The following OR9Q1 variants were observed in gnomAD, a reference collection of about 807,000 sequenced individuals.
OR9Q1 encodes olfactory receptor 9Q1.
For synonymous variants in OR9Q1, 153 were observed against 148.6 expected (o/e 1.03, Z -0.22); for missense variants, 374 against 378.8 (o/e 0.99, Z 0.11).
At chr11:58,179,179 T>C (rs1198230897) in intron 2 of OR9Q1, among the ~76,000 whole-genome samples, 1 of 151,510 alleles carries the variant, frequency 6.6e-6, no homozygotes, top group African/African-American at 2.4e-5. Flanking sequence ...CTCACCACCA[T>C]GCATGGCTAA....
At chr11:58,177,610 A>C (rs1186004169) in intron 2 of OR9Q1, among the ~76,000 whole-genome samples, 2 of 152,222 alleles carry the variant, frequency 1.3e-5, no homozygotes, top group Admixed American at 1.3e-4. Flanking sequence ...AAGTAAGCAC[A>C]TTGTTAGGTT....
At chr11:58,068,351 G>C (rs111557277) in intron 2 of OR9Q1, among the ~76,000 whole-genome samples, 2 of 109,738 alleles carry the variant, frequency 1.8e-5, no homozygotes, top group African/African-American at 6.7e-5. Flanking sequence ...GTCTCAAAAA[G>C]AAAAAAAAAA....
chr11:58,052,892 CA>C (rs1359079804), intron 1 of OR9Q1, among the ~76,000 whole-genome samples: 3 of 151,940 alleles, frequency 2.0e-5, no homozygotes, highest in Non-Finnish European at 4.4e-5. Flanking sequence ...ATCAAAACCA[CA>C]ATGAGATACC....
At chr11:58,164,735 CA>C (rs1316538493) in intron 2 of OR9Q1, among the ~76,000 whole-genome samples, 3 of 152,068 alleles carry the variant, frequency 2.0e-5, no homozygotes, top group African/African-American at 7.2e-5. Context: ...AATTAATGAG[CA>C]AAAAATTCTT....
intron 1 of OR9Q1, among the ~76,000 whole-genome samples, chr11:58,048,153 A>C (rs908747095): frequency 3.3e-5 from 5 of 152,178 alleles, no homozygotes; most frequent in African/African-American, 9.7e-5. Flanking sequence ...CAATCCATCC[A>C]TACGAATTAC....
At chr11:58,152,132 G>T (rs775696388) in intron 2 of OR9Q1, among the ~76,000 whole-genome samples, 4 of 152,116 alleles carry the variant, frequency 2.6e-5, no homozygotes, top group Non-Finnish European at 5.9e-5. Context: ...TATTACAAGA[G>T]GATTGGTATG....
At chr11:58,092,429 A>G (rs576151306) in intron 2 of OR9Q1, among the ~76,000 whole-genome samples, 1 of 151,856 alleles carries the variant, frequency 6.6e-6, no homozygotes, top group Non-Finnish European at 1.5e-5. Context: ...CATTAATTTT[A>G]TAAGACATAA....
At chr11:58,087,771 T>C (rs1418651122) in intron 2 of OR9Q1, among the ~76,000 whole-genome samples, 1 of 151,344 alleles carries the variant, frequency 6.6e-6, no homozygotes, top group African/African-American at 2.4e-5. Flanking sequence ...TGTGTCCATA[T>C]GTTCTCATTG....
intron 1 of OR9Q1, among the ~76,000 whole-genome samples, chr11:58,025,172 C>T (rs1427504643): frequency 6.6e-6 from 1 of 152,138 alleles, no homozygotes; most frequent in Non-Finnish European, 1.5e-5. Context: ...GGAGGGGCTC[C>T]GTAAATGACC....
chr11:58,034,789 T>TCTCCCTTCCTTCCTTCCTTCCTTCCTTC (rs1853082153), intron 1 of OR9Q1, among the ~76,000 whole-genome samples: 1 of 11,116 alleles, frequency 9.0e-5, no homozygotes, highest in Non-Finnish European at 2.2e-4. Context: ...CTCCCTCCTT[T>TCTCCCTTCCTTCCTTCCTTCCTTCCTTC]CTCCCTTCCT....
intron 1 of OR9Q1, among the ~76,000 whole-genome samples, chr11:58,028,760 G>A (rs1853000506): frequency 6.6e-6 from 1 of 152,244 alleles, no homozygotes; most frequent in Non-Finnish European, 1.5e-5. Context: ...AATGTTTATA[G>A]ACTTCCCACT....
At chr11:58,105,102 A>G (rs1173619775) in intron 2 of OR9Q1, among the ~76,000 whole-genome samples, 1 of 151,696 alleles carries the variant, frequency 6.6e-6, no homozygotes, top group Non-Finnish European at 1.5e-5. Flanking sequence ...TGTAGTTTAC[A>G]GAGTTATTAA....
chr11:58,048,679 A>AAAATATATATAT (rs745596668), intron 1 of OR9Q1, among the ~76,000 whole-genome samples: 67 of 131,420 alleles, frequency 5.1e-4, no homozygotes, highest in East Asian at 4.4e-3. Flanking sequence ...TAAAAAAAAA[A>AAAATATATATAT]ATATATATAT....
intron 2 of OR9Q1, among the ~76,000 whole-genome samples, chr11:58,107,775 T>C (rs1316178488): frequency 6.6e-6 from 1 of 152,158 alleles, no homozygotes; most frequent in Non-Finnish European, 1.5e-5. Context: ...CTTTCATAAA[T>C]GTATAGTAGT....
At chr11:58,175,471 G>A (rs974491021) in intron 2 of OR9Q1, among the ~76,000 whole-genome samples, 5 of 152,132 alleles carry the variant, frequency 3.3e-5, no homozygotes, top group Non-Finnish European at 7.4e-5. Context: ...CTACCTGTAA[G>A]TAATCTTGCC....
At chr11:58,083,325 T>C (rs1435061742) in intron 2 of OR9Q1, among the ~76,000 whole-genome samples, 1 of 151,984 alleles carries the variant, frequency 6.6e-6, no homozygotes, top group African/African-American at 2.4e-5. Flanking sequence ...TTATTTGTTT[T>C]CTGCTTGTTG....
At chr11:58,108,871 G>A in intron 2 of OR9Q1, 1 of 356,672 alleles carries the variant, frequency 2.8e-6, no homozygotes. Flanking sequence ...GGATTTGGCG[G>A]AGTTACTTCT....
intron 2 of OR9Q1, among the ~76,000 whole-genome samples, chr11:58,173,445 G>A (rs1009053755): frequency 6.6e-6 from 1 of 151,720 alleles, no homozygotes; most frequent in Non-Finnish European, 1.5e-5. Flanking sequence ...TTTCATCCAT[G>A]TCCCTACAAA....
In OR9Q1 at chr11:58,180,545, A is replaced by T. The variant is rs191312492; in HGVS notation, c.*168A>T. On this transcript the variant is annotated 3_prime_UTR_variant, in exon 3 of 3. Transcript: ENST00000335397. ...AGGGAGAGGAAGGAAGACAAGGAAA[A>T]GTCAACCTGAAAAGAGATTGGAGTG... The T allele has an allele frequency of 6.4e-6, 3 of 467,554 alleles. No individual in the cohort carries two copies. Among genetic ancestry groups the T allele is most frequent in the African/African-American group, 3.9e-5 (2 of 51,178 alleles). 29.0% of individuals were successfully genotyped at this position (467,554 alleles called of 1,614,324 possible). A position where few individuals can be genotyped will look rare whatever the true frequency, so the allele number is the denominator to read the frequency against.
Sources: allele counts gnomAD v4.1 joint callset (sites outside exome capture counted in the v4.1 genomes callset), GRCh38; gene constraint gnomAD v4.1.1; transcripts MANE v1.5; gene names NCBI Gene and HGNC (gene_info 2026-07-23, HGNC 2026-07-21).